The following CATSPERG variants were observed in gnomAD, a reference collection of about 807,000 sequenced individuals.
CATSPERG encodes cation channel sperm-associated auxiliary subunit gamma.
In CATSPERG, 115 loss-of-function variants were observed where a neutral mutation model predicts 145.0. That is an observed-to-expected ratio of 0.79 (90% CI 0.68 to 0.93). The LOEUF (loss-of-function observed/expected upper bound fraction) is 0.93, where lower values mean the gene tolerates loss of function less well. Among genes scored for constraint, CATSPERG ranks in the 40% least tolerant of loss-of-function variants. The pLI, the probability that CATSPERG is intolerant of heterozygous loss-of-function variation, is 0.00. For missense variants in CATSPERG, 1,296 were observed against 1,490.1 expected, an observed-to-expected ratio of 0.87 and a Z score of 2.14; for synonymous variants, 588 against 589.0, an observed-to-expected ratio of 1.00 and a Z score of 0.02.
intron 17 of CATSPERG, 141 bp downstream of exon 17, chr19:38,362,002 C>T: frequency 5.4e-6 from 1 of 186,578 alleles, no homozygotes; most frequent in African/African-American, 5.6e-5. Context: ...GACCTGGGGG[C>T]GGGGCCTGGC....
chr19:38,370,510 T>C lies in CATSPERG; in HGVS notation c.3214-16T>C, dbSNP rs778086514. 9 of 1,613,892 alleles carry C rather than the reference T, an allele frequency of 5.6e-6. No homozygotes were observed. In the East Asian group the frequency reaches 2.0e-4, roughly 36 times the overall value. ...TATCATGTGCCAACTCCTTACTCATTCTTTGCTCCCTGCAGGTGTCAGCTA... is the reference window on the plus strand; with the variant it reads ...TATCATGTGCCAACTCCTTACTCATCCTTTGCTCCCTGCAGGTGTCAGCTA... On this transcript the variant is annotated splice_polypyrimidine_tract_variant and intron_variant, in intron 28 of 28. Transcript: ENST00000409235.
In CATSPERG at chr19:38,337,471, C is replaced by T; in HGVS notation, c.237C>T (p.His79=). The T allele has an allele frequency of 1.3e-6, 2 of 1,552,158 alleles. No homozygotes were observed. Among genetic ancestry groups the T allele is most frequent in the East Asian group, 2.4e-5 (1 of 40,916 alleles). The change falls in exon 2 of 29, where the codon CAC becomes CAT. Residue 79 remains histidine (H), a synonymous_variant. Coordinates refer to ENST00000409235, the MANE Select transcript of CATSPERG (RefSeq NM_021185.5). ...TGGACACAGTGAGCAGCTTGTTTCACATGCTGGTGGACTCACCCATCGACC... is the reference window on the plus strand; with the variant it reads ...TGGACACAGTGAGCAGCTTGTTTCATATGCTGGTGGACTCACCCATCGACC... ...EPVDTVSSLF[H]MLVDSPIDPS... is the part of the protein sequence containing the mutation.
intron 1 of CATSPERG, 77 bp from the exon 2 acceptor site, chr19:38,337,144 C>T: frequency 6.7e-7 from 1 of 1,498,794 alleles, no homozygotes; most frequent in Middle Eastern, 2.3e-4. Flanking sequence ...GTGAGAGGCG[C>T]AGAAGCGAGG....
intron 16 of CATSPERG, 92 bp downstream of exon 16, chr19:38,360,935 AC>A: frequency 9.1e-7 from 1 of 1,095,960 alleles, no homozygotes; most frequent in Non-Finnish European, 1.3e-6. Flanking sequence ...GACCGAGCTA[AC>A]CCCAGTGAAA....
At chr19:38,362,871 GTTTT>G (rs553363428) in intron 20 of CATSPERG, 39 bp downstream of exon 20, 4,659 of 445,754 alleles carry the variant, frequency 0.01, no homozygotes, top group Middle Eastern at 0.015. Flanking sequence ...GGGAGGTTTT[GTTTT>G]TTTTTTTTTT....
chr19:38,336,013 T>C (rs1234042594), intron 1 of CATSPERG, 138 bp downstream of exon 1: 3 of 232,608 alleles, frequency 1.3e-5, no homozygotes, highest in Middle Eastern at 1.2e-3. Context: ...TCGTGGGAGC[T>C]GGGAGAGGAG....
chr19:38,370,352 T>C, intron 28 of CATSPERG, 94 bp downstream of exon 28: 1 of 1,415,378 alleles, frequency 7.1e-7, no homozygotes, highest in Non-Finnish European at 9.9e-7. Context: ...CATTCCTTTA[T>C]TCACTCATCT....
chr19:38,336,743 A>G (rs1030608168), intron 1 of CATSPERG: 6 of 253,614 alleles, frequency 2.4e-5, no homozygotes, highest in South Asian at 8.4e-5. Context: ...CAAAGCGAGA[A>G]ATAGAAACCA....
At chr19:38,354,163 A>T (rs540422883) in intron 8 of CATSPERG, among the ~76,000 whole-genome samples, 1 of 152,276 alleles carries the variant, frequency 6.6e-6, no homozygotes, top group Admixed American at 6.5e-5. Context: ...TCTCTTTCTT[A>T]CTTTGGGCAT....
chr19:38,338,949 G>C (rs944313136), intron 3 of CATSPERG, among the ~76,000 whole-genome samples: 2 of 152,066 alleles, frequency 1.3e-5, no homozygotes, highest in Admixed American at 6.6e-5. Flanking sequence ...CACCAGGTCG[G>C]GGGGAGGGGG....
At chr19:38,357,036 G>A (rs1378446162) in intron 11 of CATSPERG, among the ~76,000 whole-genome samples, 175 bp downstream of exon 11, 1 of 152,170 alleles carries the variant, frequency 6.6e-6, no homozygotes, top group Non-Finnish European at 1.5e-5. Flanking sequence ...TGATCTGAAA[G>A]GGCCCTGTGG....
intron 20 of CATSPERG, among the ~76,000 whole-genome samples, chr19:38,364,136 C>CG (rs1970404766): frequency 6.6e-6 from 1 of 151,014 alleles, no homozygotes; most frequent in Non-Finnish European, 1.5e-5. Context: ...GCTGGCCTGG[C>CG]GGGGGCTGAC....
At chr19:38,352,515 G>A (rs1406586035) in intron 8 of CATSPERG, 83 bp downstream of exon 8, 2 of 1,382,426 alleles carry the variant, frequency 1.4e-6, no homozygotes, top group East Asian at 2.5e-5. Context: ...GGCTGGAATT[G>A]CTGTGGGTGA....
chr19:38,339,194 T>G (rs1969895878), intron 3 of CATSPERG, among the ~76,000 whole-genome samples: 1 of 152,172 alleles, frequency 6.6e-6, no homozygotes, highest in African/African-American at 2.4e-5. Context: ...TAGCATTTGC[T>G]CTGCTGCTTG....
chr19:38,356,198 T>G (rs1220780901), intron 9 of CATSPERG, among the ~76,000 whole-genome samples: 1 of 152,150 alleles, frequency 6.6e-6, no homozygotes, highest in Non-Finnish European at 1.5e-5. Flanking sequence ...GCCAAGAGAA[T>G]GAAGACAGCA....
rs1970312158 is a variant in CATSPERG at position 38,359,778 on chromosome 19, GGAGCTAT to G, written c.1608+200_1608+206del. The stretch of plus-strand genomic sequence containing the variant: ...TGTCAGCTCCAAAGTCACGCAGACC[GGAGCTAT>G]GATCCGATGTTCAGAGGCGGCCCTC... On this transcript the variant is annotated intron_variant, in intron 14 of 28. Transcript: ENST00000409235. 4.5e-6 allele frequency: 6 copies of G among 1,335,570 alleles called. No homozygotes were observed. The South Asian group carries it at 9.5e-5, about 21-fold the overall frequency. 82.7% of individuals were successfully genotyped at this position (1,335,570 alleles called of 1,614,324 possible). A position where few individuals can be genotyped will look rare whatever the true frequency, so the allele number is the denominator to read the frequency against.
At chr19:38,344,224 G>T in intron 5 of CATSPERG, 72 bp from the exon 6 acceptor site, 1 of 1,538,952 alleles carries the variant, frequency 6.5e-7, no homozygotes, top group Non-Finnish European at 8.8e-7. Flanking sequence ...ATGGGGAGAG[G>T]AGAGGCAGCT....
intron 17 of CATSPERG, 141 bp from the exon 18 acceptor site, chr19:38,362,069 T>G: frequency 1.9e-6 from 2 of 1,035,388 alleles, no homozygotes; most frequent in Non-Finnish European, 2.8e-6. Context: ...AAAGCAGGGT[T>G]TGGGGATGGG....
Position 38,358,566 on chromosome 19 carries a change from GC to G in CATSPERG, c.1496+7del, listed in dbSNP as rs1970287898. On this transcript the variant is annotated splice_donor_region_variant and intron_variant, in intron 13 of 28. Coordinates refer to ENST00000409235, the MANE Select transcript of CATSPERG (RefSeq NM_021185.5). ...GGGCAACTTCCTCCTGCAGAGGTGG[GC>G]CTCTACCACCCCTGGGTGGGCCAGG... 6.2e-7 allele frequency: 1 copy of G among 1,614,040 alleles called. No individual in the cohort carries two copies. Among genetic ancestry groups the G allele is most frequent in the African/African-American group, 1.3e-5 (1 of 75,040 alleles).
Sources: allele counts gnomAD v4.1 joint callset (sites outside exome capture counted in the v4.1 genomes callset), GRCh38; gene constraint gnomAD v4.1.1; transcripts MANE v1.5; gene names NCBI Gene and HGNC (gene_info 2026-07-23, HGNC 2026-07-21).